Variants in CDK6 observed in about 807,000 individuals in gnomAD.
CDK6 encodes cyclin dependent kinase 6.
In CDK6, 6 loss-of-function variants were observed where a neutral mutation model predicts 37.1. The observed-to-expected ratio is 0.16, with a 90% CI of 0.09 to 0.32. The LOEUF (loss-of-function observed/expected upper bound fraction) is 0.32, where lower values mean the gene tolerates loss of function less well. CDK6 is among the 10% of genes least tolerant of loss of function. The probability of loss-of-function intolerance (pLI) is 1.00; values close to 1 mark genes in which losing one functional copy is unlikely to be tolerated. For synonymous variants in CDK6, 160 were observed against 161.3 expected, an observed-to-expected ratio of 0.99 and a Z score of 0.06; for missense variants, 224 against 418.9, an observed-to-expected ratio of 0.53 and a Z score of 4.06.
intron 2 of CDK6, among the ~76,000 whole-genome samples, chr7:92,808,786 T>A (rs924689927): frequency 6.6e-6 from 1 of 152,188 alleles, no homozygotes; most frequent in African/African-American, 2.4e-5. Flanking sequence ...CAAAAATATG[T>A]TTCTGAATGA....
chr7:92,738,475 AC>A (rs1562951758), intron 3 of CDK6, among the ~76,000 whole-genome samples: 2 of 152,090 alleles, frequency 1.3e-5, no homozygotes, highest in East Asian at 3.9e-4. Context: ...TCCTGTCTCT[AC>A]TAAAAACACA....
chr7:92,613,898 G>A lies in CDK6; in HGVS notation c.*1242C>T. 4.3e-6 allele frequency: 1 copy of A among 233,264 alleles called. No homozygotes were observed. Among genetic ancestry groups the A allele is most frequent in the Admixed American group, 5.6e-5 (1 of 17,810 alleles). The allele number at this position is 233,264 out of a possible 1,614,324, so 14.4% of individuals were successfully genotyped here. A position where few individuals can be genotyped will look rare whatever the true frequency, so the allele number is the denominator to read the frequency against. On this transcript the variant is annotated 3_prime_UTR_variant, in exon 8 of 8. Coordinates refer to ENST00000424848, the MANE Select transcript of CDK6 (RefSeq NM_001145306.2). ...GAATCGAGGCCATAAACCATAAGCT[G>A]AGACTGCGAATTTATGAAAGGTTCA... is the stretch of plus-strand genomic sequence containing the variant.
intron 4 of CDK6, among the ~76,000 whole-genome samples, chr7:92,689,880 A>G (rs887886430): frequency 6.6e-6 from 1 of 152,182 alleles, no homozygotes; most frequent in African/African-American, 2.4e-5. Flanking sequence ...TCTAATGATC[A>G]GTGATGTTGA....
intron 2 of CDK6, among the ~76,000 whole-genome samples, chr7:92,775,899 A>G (rs1341982962): frequency 6.6e-6 from 1 of 152,180 alleles, no homozygotes; most frequent in Non-Finnish European, 1.5e-5. Flanking sequence ...TATCCTGCTT[A>G]CATATTACCT....
rs1433894709 is a variant in CDK6, at chr7:92,612,973, A to G, written c.*2167T>C. 4 of 232,968 alleles carry G rather than the reference A, an allele frequency of 1.7e-5. No individual in the cohort carries two copies. The highest frequency in any genetic ancestry group is 2.5e-5 in the Non-Finnish European group (3 of 117,964). The allele number at this position is 232,968 out of a possible 1,614,324, so 14.4% of individuals were successfully genotyped here. A position where few individuals can be genotyped will look rare whatever the true frequency, so the allele number is the denominator to read the frequency against. On this transcript the variant is annotated 3_prime_UTR_variant, in exon 8 of 8. Transcript: ENST00000424848. ...ACTCACTTTTCCATGTGAGACTTTG[A>G]GTAGACCTGACCTTGAATGCTGTGG...
chr7:92,661,386 AC>A (rs1307536543), intron 5 of CDK6, among the ~76,000 whole-genome samples: 2 of 151,918 alleles, frequency 1.3e-5, no homozygotes, highest in Admixed American at 6.6e-5. Flanking sequence ...AAAGGTGCTG[AC>A]CCCCTGTGCA....
chr7:92,705,501 A>T (rs1181967267), intron 4 of CDK6, among the ~76,000 whole-genome samples: 1 of 152,218 alleles, frequency 6.6e-6, no homozygotes, highest in African/African-American at 2.4e-5. Flanking sequence ...AAATCACATG[A>T]AACCTAAGTA....
At chr7:92,809,392 G>A (rs1800815436) in intron 2 of CDK6, among the ~76,000 whole-genome samples, 1 of 152,134 alleles carries the variant, frequency 6.6e-6, no homozygotes, top group South Asian at 2.1e-4. Context: ...TTCACTCATG[G>A]TAGACCTATT....
chr7:92,812,873 T>C (rs1256919718), intron 2 of CDK6, among the ~76,000 whole-genome samples: 5 of 152,232 alleles, frequency 3.3e-5, no homozygotes, highest in Non-Finnish European at 5.9e-5. Context: ...ATATATAAAG[T>C]TGATGCCAAT....
intron 5 of CDK6, among the ~76,000 whole-genome samples, chr7:92,638,949 A>G (rs1364841623): frequency 1.3e-5 from 2 of 152,188 alleles, no homozygotes; most frequent in African/African-American, 2.4e-5. Context: ...AAACACTGCA[A>G]TGTGGTAGAA....
intron 3 of CDK6, among the ~76,000 whole-genome samples, chr7:92,760,648 G>A (rs17769120): frequency 0.016 from 2,364 of 152,178 alleles, 34 homozygotes; most frequent in Non-Finnish European, 0.024. Flanking sequence ...AATGTTGTAT[G>A]GCACTAACCC....
intron 3 of CDK6, among the ~76,000 whole-genome samples, chr7:92,768,443 A>G (rs1325448194): frequency 2.0e-5 from 3 of 152,176 alleles, no homozygotes; most frequent in African/African-American, 7.2e-5. Context: ...CTTTAAAGAG[A>G]CTTTATTGAA....
At chr7:92,743,687 T>A (rs1054364027) in intron 3 of CDK6, among the ~76,000 whole-genome samples, 1 of 152,150 alleles carries the variant, frequency 6.6e-6, no homozygotes, top group African/African-American at 2.4e-5. Context: ...ACTGACTATA[T>A]CAAGAGTTGA....
rs990262104 is a variant in CDK6, at chr7:92,833,062, G to C, written c.233+29C>G. The stretch of plus-strand genomic sequence containing the variant: ...CCCTCCCCGCGCGCGCGAGGCCCCA[G>C]ATGGCGAGGGCGCAGCTCCCTGGCT... On this transcript the variant is annotated intron_variant, in intron 2 of 7. Coordinates refer to ENST00000424848, the MANE Select transcript of CDK6 (RefSeq NM_001145306.2). The surrounding 1 kb of genome is among the most constrained non-coding windows in gnomAD (Gnocchi z 6.1). 5.2e-5 allele frequency: 78 copies of C among 1,489,938 alleles called. No homozygotes were observed. Among genetic ancestry groups the C allele is most frequent in the Non-Finnish European group, 6.6e-5 (73 of 1,103,556 alleles). 92.3% of individuals were successfully genotyped at this position (1,489,938 alleles called of 1,614,324 possible). A position where few individuals can be genotyped will look rare whatever the true frequency, so the allele number is the denominator to read the frequency against.
At chr7:92,671,291 C>G (rs1797066530) in intron 5 of CDK6, 135 bp downstream of exon 5, 1 of 502,528 alleles carries the variant, frequency 2.0e-6, no homozygotes, top group Admixed American at 3.9e-5. Context: ...GACAGGCTTG[C>G]AAGTGGTAGC....
intron 2 of CDK6, among the ~76,000 whole-genome samples, chr7:92,808,610 A>G (rs1800788197): frequency 1.3e-5 from 2 of 152,206 alleles, no homozygotes; most frequent in African/African-American, 4.8e-5. Context: ...TAAATCATCA[A>G]TGGAGTTAAA....
chr7:92,689,533 G>T (rs774546583), intron 4 of CDK6, among the ~76,000 whole-genome samples: 1 of 152,104 alleles, frequency 6.6e-6, no homozygotes, highest in African/African-American at 2.4e-5. Context: ...TACCCATAAA[G>T]AAATACATGA....
chr7:92,722,555 T>G (rs1474583025), intron 4 of CDK6, among the ~76,000 whole-genome samples: 1 of 152,176 alleles, frequency 6.6e-6, no homozygotes, highest in Non-Finnish European at 1.5e-5. Context: ...TGCCAATAAA[T>G]CAATCAGGAC....
rs573148034 is a variant in CDK6 at position 92,634,024 on chromosome 7, C to T, written c.648-10938G>A. Among the ~76,000 whole-genome samples the T allele has an allele frequency of 1.3e-4, 20 of 152,134 alleles. No homozygotes were observed. In the South Asian group the frequency reaches 3.5e-3, roughly 27 times the overall value. On this transcript the variant is annotated intron_variant, in intron 5 of 7. Transcript: ENST00000424848. ...TTTAACTTGGCAGTGTTTTTATTTTCTGATGAACAAAAGTTTTCAATTTTT... is the reference window on the plus strand; with the variant it reads ...TTTAACTTGGCAGTGTTTTTATTTTTTGATGAACAAAAGTTTTCAATTTTT...
Sources: gnomAD v4.1 joint callset for allele counts (sites outside exome capture counted in the v4.1 genomes callset) on GRCh38, gnomAD v4.1.1 for gene constraint, Gnocchi (gnomAD v3.1) non-coding constraint, MANE v1.5 for transcripts, NCBI Gene and HGNC (gene_info 2026-07-23, HGNC 2026-07-21) for gene names.